POLN: variants seen among roughly 807,000 people sequenced by gnomAD.
POLN encodes the protein DNA polymerase N.
POLN carries 108 observed loss-of-function variants against 113.5 expected under a neutral mutation model. The ratio of observed to expected loss-of-function variants is 0.95; its 90% CI spans 0.81 to 1.12. The LOEUF is 1.12. POLN is among the 50% of genes most tolerant of loss of function. POLN has a pLI of 0.00. For missense variants in POLN, 1,097 were observed against 1,077.1 expected (o/e 1.02, Z -0.26); for synonymous variants, 386 against 391.5 (o/e 0.99, Z 0.17).
intron 2 of POLN, chr4:2,230,110 CAT>C (rs961876882): frequency 6.6e-6 from 1 of 152,616 alleles, no homozygotes; most frequent in Non-Finnish European, 1.5e-5. Context: ...GCCTGACCAA[CAT>C]GGTGAAACCC....
At chr4:2,235,830 C>T (rs17132385) in intron 2 of POLN, among the ~76,000 whole-genome samples, 25,276 of 151,934 alleles carry the variant, frequency 0.17, 3,597 homozygotes, top group African/African-American at 0.37. Context: ...GCATGGTAGT[C>T]ACTCTTTGAG....
intron 5 of POLN, among the ~76,000 whole-genome samples, chr4:2,199,068 G>C (rs182795559): frequency 5.3e-5 from 8 of 152,238 alleles, no homozygotes; most frequent in Non-Finnish European, 1.5e-5. Flanking sequence ...GAATCCTGGA[G>C]CTAATATGTG....
chr4:2,139,056 C>T (rs971027943), intron 16 of POLN, among the ~76,000 whole-genome samples: 1 of 151,932 alleles, frequency 6.6e-6, no homozygotes, highest in Non-Finnish European at 1.5e-5. Flanking sequence ...CAGTGGACTC[C>T]GAGGAGCAAG....
intron 16 of POLN, 86 bp downstream of exon 16, chr4:2,156,702 G>A (rs1424228561): frequency 1.9e-6 from 2 of 1,047,670 alleles, no homozygotes; most frequent in African/African-American, 3.1e-5. Context: ...AACAGAAAGT[G>A]CACAGGCAAA....
At chr4:2,139,297 C>A (rs920212305) in intron 16 of POLN, among the ~76,000 whole-genome samples, 3 of 152,222 alleles carry the variant, frequency 2.0e-5, no homozygotes, top group African/African-American at 7.2e-5. Context: ...CTGGGGTCAG[C>A]AAGGCTGTGG....
chr4:2,221,499 A>C (rs2108770013), intron 3 of POLN, among the ~76,000 whole-genome samples: 1 of 152,328 alleles, frequency 6.6e-6, no homozygotes, highest in South Asian at 2.1e-4. Context: ...TTTATGTAAA[A>C]ATACAGATTC....
intron 3 of POLN, among the ~76,000 whole-genome samples, chr4:2,219,547 G>T (rs1328493075): frequency 6.6e-6 from 1 of 152,032 alleles, no homozygotes; most frequent in Non-Finnish European, 1.5e-5. Context: ...GTTATCAGGA[G>T]GCATCTCCTA....
intron 16 of POLN, among the ~76,000 whole-genome samples, chr4:2,155,420 G>A (rs1473453375): frequency 6.6e-6 from 1 of 152,150 alleles, no homozygotes; most frequent in Non-Finnish European, 1.5e-5. Context: ...GCACCCAAGA[G>A]GCCACACGAT....
Position 2,213,137 on chromosome 4 carries a change from C to A in POLN, c.134-11G>T. 1 of 1,563,854 alleles carries A rather than the reference C, an allele frequency of 6.4e-7. No individual in the cohort carries two copies. The stretch of plus-strand genomic sequence containing the variant: ...TTATCACTTCCATAGCTTTTAAAAA[C>A]AACAAAAAAGAAACATGGGGCATTA... On this transcript the variant is annotated splice_polypyrimidine_tract_variant and intron_variant, in intron 3 of 25. Transcript: ENST00000511885.
intron 2 of POLN, chr4:2,240,970 T>C (rs2108781868): frequency 1.9e-6 from 3 of 1,545,546 alleles, no homozygotes; most frequent in Non-Finnish European, 2.6e-6. Context: ...CCAATTTTGT[T>C]GTATCTGATA....
At chr4:2,129,387 TATTA>T (rs544950803) in intron 17 of POLN, 131 bp from the exon 18 acceptor site, 25 of 610,000 alleles carry the variant, frequency 4.1e-5, no homozygotes, top group African/African-American at 3.9e-4. Flanking sequence ...CGAATATTTT[TATTA>T]ATTTAATTAT....
chr4:2,170,853 C>T (rs1732843770), intron 12 of POLN, 79 bp from the exon 13 acceptor site: 3 of 1,292,778 alleles, frequency 2.3e-6, no homozygotes, highest in Non-Finnish European at 1.1e-6. Context: ...AGAGCCCATG[C>T]CAACAGCCAG....
At chr4:2,083,232 C>T (rs2108690939) in intron 21 of POLN, among the ~76,000 whole-genome samples, 1 of 152,192 alleles carries the variant, frequency 6.6e-6, no homozygotes, top group East Asian at 1.9e-4. Flanking sequence ...TCCTCTCTGA[C>T]ACTCTGGCTT....
chr4:2,209,663 T>C (rs952730382), intron 4 of POLN, among the ~76,000 whole-genome samples: 1 of 143,324 alleles, frequency 7.0e-6, no homozygotes, highest in African/African-American at 2.6e-5. Context: ...TTTCCTTTTT[T>C]TTTTTTTTTT....
rs1346711785 is a variant in POLN, at chr4:2,240,865, C to CA, written c.-13+654dup. On this transcript the variant is annotated intron_variant, in intron 2 of 25. Coordinates refer to ENST00000511885, the MANE Select transcript of POLN (RefSeq NM_181808.4). Reference sequence around the variant, plus strand: ...TCTTCAACGCCCTCAAACAACCAGTCAAAGTCTTCTCCATTAAGATTATCA... The same window carrying CA: ...TCTTCAACGCCCTCAAACAACCAGTCAAAAGTCTTCTCCATTAAGATTATCA... The CA allele has an allele frequency of 2.5e-6, 4 of 1,612,008 alleles. No individual in the cohort carries two copies. In the African/African-American group the frequency reaches 5.3e-5, roughly 22 times the overall value.
In POLN at chr4:2,081,738, C is replaced by A; in HGVS notation, c.2203G>T (p.Val735Leu). The part of the protein sequence containing the change: ...AIAQCHQTGC[V>L]VSIMGRRRPL... ...CTCCTTCTGCCCATGATGGACACCA[C>A]ACAGCCTGAGTCACACAGAGCAAAA... The change falls in exon 22 of 26, where the codon GTG becomes TTG. Residue 735 changes from valine to leucine, a missense_variant. Transcript: ENST00000511885. The A allele has an allele frequency of 3.1e-6, 5 of 1,613,944 alleles. No individual in the cohort carries two copies. Among genetic ancestry groups the A allele is most frequent in the Non-Finnish European group, 4.2e-6 (5 of 1,179,850 alleles).
At chr4:2,175,967 C>A (rs993767337) in intron 9 of POLN, among the ~76,000 whole-genome samples, 1 of 152,304 alleles carries the variant, frequency 6.6e-6, no homozygotes, top group East Asian at 1.9e-4. Context: ...CTATGTCCAT[C>A]CCACTATTAA....
At chr4:2,185,475 G>A (rs1287804664) in intron 7 of POLN, among the ~76,000 whole-genome samples, 2 of 152,242 alleles carry the variant, frequency 1.3e-5, no homozygotes, top group Non-Finnish European at 1.5e-5. Flanking sequence ...GCTGGGCGCG[G>A]TGGCCCATGC....
chr4:2,159,212 C>G lies in POLN; in HGVS notation c.1555-1G>C. 6.2e-7 allele frequency: 1 copy of G among 1,601,554 alleles called. No homozygotes were observed. The highest frequency in any genetic ancestry group is 8.5e-7 in the Non-Finnish European group (1 of 1,170,616). Reference sequence around the variant, plus strand: ...GATGAAGGTCTCGCAGAGCATTTAACTAAACATGAAAATAGATACTACCAA... The same window carrying G: ...GATGAAGGTCTCGCAGAGCATTTAAGTAAACATGAAAATAGATACTACCAA... On this transcript the variant is annotated splice_acceptor_variant, in intron 13 of 25. Transcript: ENST00000511885. LOFTEE classifies it high-confidence loss of function.
Sources: gnomAD v4.1 joint callset for allele counts (sites outside exome capture counted in the v4.1 genomes callset) on GRCh38, gnomAD v4.1.1 for gene constraint, MANE v1.5 for transcripts, NCBI Gene and HGNC (gene_info 2026-07-23, HGNC 2026-07-21) for gene names.